Variants in KHDRBS2 observed in about 807,000 individuals in gnomAD.
The protein encoded by KHDRBS2 is KH RNA binding domain containing, signal transduction associated 2, also known as KH domain-containing, RNA-binding, signal transduction-associated protein 2.
In KHDRBS2, 26 loss-of-function variants were observed where a neutral mutation model predicts 44.3. That is an observed-to-expected ratio of 0.59 (90% CI 0.43 to 0.81). KHDRBS2 has a LOEUF of 0.81. KHDRBS2 is among the 40% of genes least tolerant of loss of function. The pLI is 0.00. For missense variants in KHDRBS2, 476 were observed against 433.1 expected, an observed-to-expected ratio of 1.10 and a Z score of -0.88; for synonymous variants, 194 against 151.1, an observed-to-expected ratio of 1.28 and a Z score of -2.08.
the KHDRBS2 span, among the ~76,000 whole-genome samples, chr6:61,606,202 C>T: frequency 6.6e-6 from 1 of 152,110 alleles, no homozygotes; most frequent in African/African-American, 2.4e-5. Context: ...CCTGCCTGCA[C>T]CCAGGTGATT....
Position 62,047,720 on chromosome 6 carries a change from A to G in KHDRBS2, c.336+158T>C, listed in dbSNP as rs1468443256. ...GGGAGGCCAATAATTGATTTTTAGG[A>G]AGAGAGAGGAGATAGCAGAAAGTGA... is the stretch of plus-strand genomic sequence containing the variant. On this transcript the variant is annotated intron_variant, in intron 3 of 8. Transcript: ENST00000281156. 3.3e-5 allele frequency among the ~76,000 whole-genome samples: 5 copies of G among 151,990 alleles called. No individual in the cohort carries two copies. The East Asian group carries it at 9.7e-4, about 30-fold the overall frequency.
intron 2 of KHDRBS2, among the ~76,000 whole-genome samples, chr6:62,065,198 G>C (rs1026377627): frequency 1.3e-5 from 2 of 152,026 alleles, no homozygotes; most frequent in Non-Finnish European, 2.9e-5. Flanking sequence ...CTGTAAACTA[G>C]TTCAACCATT....
chr6:61,784,500 C>T (rs1783485200), intron 6 of KHDRBS2, among the ~76,000 whole-genome samples: 2 of 151,770 alleles, frequency 1.3e-5, no homozygotes, highest in South Asian at 2.1e-4. Context: ...TCATTGCATA[C>T]CAATTTTGTT....
chr6:61,726,604 C>T (rs755254221), intron 7 of KHDRBS2, among the ~76,000 whole-genome samples: 2 of 152,072 alleles, frequency 1.3e-5, no homozygotes, highest in Admixed American at 6.6e-5. Context: ...GTGCAAAAAT[C>T]GCTAGCATTC....
At chr6:61,701,901 T>A (rs1209987166) in intron 7 of KHDRBS2, among the ~76,000 whole-genome samples, 1 of 151,988 alleles carries the variant, frequency 6.6e-6, no homozygotes, top group East Asian at 1.9e-4. Context: ...AGAAAGATAA[T>A]CTAACATTTT....
chr6:61,835,950 A>C (rs1167608101), intron 6 of KHDRBS2, among the ~76,000 whole-genome samples: 1 of 151,934 alleles, frequency 6.6e-6, no homozygotes, highest in East Asian at 1.9e-4. Context: ...TTTAAACTAG[A>C]GGATATTTCC....
chr6:62,268,192 T>C (rs577588156), intron 1 of KHDRBS2, among the ~76,000 whole-genome samples: 4 of 152,140 alleles, frequency 2.6e-5, no homozygotes, highest in Admixed American at 2.6e-4. Context: ...TTCATTTGCT[T>C]TTGGGGGTAG....
At chr6:61,993,669 ATATAT>A (rs1562600892) in intron 3 of KHDRBS2, among the ~76,000 whole-genome samples, 3 of 122,260 alleles carry the variant, frequency 2.5e-5, no homozygotes, top group African/African-American at 8.8e-5. Context: ...ATATATATAT[ATATAT>A]TTTTTTTTTT....
chr6:61,901,109 T>C lies in KHDRBS2; in HGVS notation c.611+135A>G. The C allele has an allele frequency of 5.0e-6, 4 of 798,544 alleles. 1 individual carries two copies. The highest frequency in any genetic ancestry group is 3.9e-5 in the South Asian group (2 of 50,822). The allele number at this position is 798,544 out of a possible 1,614,324, so 49.5% of individuals were successfully genotyped here. ...CTCTTCTGTGCCTGATAAGCTTTCA[T>C]CGTTATTGTTTTTGCTGTGGTGGTA... On this transcript the variant is annotated intron_variant, in intron 5 of 8. Coordinates refer to ENST00000281156, the MANE Select transcript of KHDRBS2 (RefSeq NM_152688.4).
At chr6:61,927,971 C>T (rs1370211375) in intron 4 of KHDRBS2, among the ~76,000 whole-genome samples, 1 of 152,100 alleles carries the variant, frequency 6.6e-6, no homozygotes, top group East Asian at 1.9e-4. Flanking sequence ...CCTCACTGAG[C>T]TCTGCCCAAT....
chr6:61,617,882 G>A, the KHDRBS2 span, among the ~76,000 whole-genome samples: 1 of 152,172 alleles, frequency 6.6e-6, no homozygotes, highest in Admixed American at 6.5e-5. Flanking sequence ...GGATTTTCAA[G>A]AATACTACAT....
At chr6:61,990,617 A>G (rs1334696266) in intron 3 of KHDRBS2, among the ~76,000 whole-genome samples, 1 of 152,168 alleles carries the variant, frequency 6.6e-6, no homozygotes, top group Non-Finnish European at 1.5e-5. Context: ...AAGAAGAATA[A>G]CATCTTCTGA....
intron 4 of KHDRBS2, among the ~76,000 whole-genome samples, chr6:61,971,962 A>T (rs1222680129): frequency 6.6e-6 from 1 of 152,152 alleles, no homozygotes; most frequent in Non-Finnish European, 1.5e-5. Flanking sequence ...TGTGCCTGGC[A>T]TATATTTGGT....
intron 6 of KHDRBS2, among the ~76,000 whole-genome samples, chr6:61,800,841 T>C (rs955675907): frequency 6.6e-6 from 1 of 152,174 alleles, no homozygotes; most frequent in Non-Finnish European, 1.5e-5. Flanking sequence ...TGTCAGTCTC[T>C]CACACCTGGA....
intron 2 of KHDRBS2, among the ~76,000 whole-genome samples, chr6:62,067,919 A>AT (rs1794126818): frequency 6.6e-6 from 1 of 151,562 alleles, no homozygotes; most frequent in African/African-American, 2.4e-5. Flanking sequence ...AAAATATTCA[A>AT]TTATGTGGAT....
intron 4 of KHDRBS2, among the ~76,000 whole-genome samples, chr6:61,952,396 T>C (rs1461363665): frequency 6.6e-6 from 1 of 152,074 alleles, no homozygotes; most frequent in Admixed American, 6.6e-5. Context: ...ATCTTTTTTC[T>C]ATAATCTTGT....
At chr6:62,214,316 A>G (rs970361964) in intron 1 of KHDRBS2, among the ~76,000 whole-genome samples, 8 of 152,230 alleles carry the variant, frequency 5.3e-5, no homozygotes, top group Non-Finnish European at 8.8e-5. Context: ...ATTAATGATT[A>G]TAACAATGCA....
intron 6 of KHDRBS2, among the ~76,000 whole-genome samples, chr6:61,807,741 A>G (rs1049381477): frequency 2.6e-5 from 4 of 152,086 alleles, no homozygotes; most frequent in African/African-American, 9.7e-5. Context: ...TAACTGGGTG[A>G]CTAAATTATC....
the KHDRBS2 span, among the ~76,000 whole-genome samples, chr6:61,543,913 A>C: frequency 6.6e-6 from 1 of 152,046 alleles, no homozygotes; most frequent in African/African-American, 2.4e-5. Context: ...AATTGAACTC[A>C]TGGAGACAGT....
Sources: allele counts gnomAD v4.1 joint callset (sites outside exome capture counted in the v4.1 genomes callset), GRCh38; gene constraint gnomAD v4.1.1; transcripts MANE v1.5; gene names NCBI Gene and HGNC (gene_info 2026-07-23, HGNC 2026-07-21).